The following PRKCA variants were observed in gnomAD, a reference collection of about 807,000 sequenced individuals.
The protein encoded by PRKCA is protein kinase C alpha type.
A neutral mutation model predicts 87.0 loss-of-function variants in PRKCA; 27 were observed. The observed-to-expected ratio is 0.31, with a 90% CI of 0.23 to 0.43. The LOEUF (loss-of-function observed/expected upper bound fraction) is 0.43. PRKCA is among the 20% of genes least tolerant of loss of function. The pLI is 1.00. For missense variants in PRKCA, 518 were observed against 852.3 expected (o/e 0.61, Z 4.88); for synonymous variants, 329 against 311.1 (o/e 1.06, Z -0.61).
chr17:66,403,928 T>A (rs1360987440), intron 2 of PRKCA: 1 of 152,242 alleles, frequency 6.6e-6, no homozygotes, highest in Non-Finnish European at 1.5e-5. Context: ...GTTCAGGTTG[T>A]TGAATTTTGT....
At position 66,384,706 on chromosome 17, in the gene PRKCA, G is replaced by A. The variant is rs191005272; in HGVS notation, c.205+78579G>A. ...TGTAGTGGTGCCATCTCGGCTCACT[G>A]CAAGCTCCACCTCCCGTGTTTATGC... On this transcript the variant is annotated intron_variant, in intron 2 of 16. Transcript: ENST00000413366. Among the ~76,000 whole-genome samples the A allele has an allele frequency of 5.3e-3, 803 of 151,932 alleles. 3 individuals carry two copies. Among genetic ancestry groups the A allele is most frequent in the Middle Eastern group, 0.01 (3 of 292 alleles).
chr17:66,790,730 T>C (rs1420350165), intron 16 of PRKCA, among the ~76,000 whole-genome samples: 2 of 152,182 alleles, frequency 1.3e-5, no homozygotes, highest in Non-Finnish European at 2.9e-5. Context: ...AAACCAACCA[T>C]AAAACATGTC....
chr17:66,679,726 C>T (rs1231625236), intron 5 of PRKCA, among the ~76,000 whole-genome samples: 1 of 152,208 alleles, frequency 6.6e-6, no homozygotes, highest in African/African-American at 2.4e-5. Context: ...TTCCTCCATC[C>T]CCTCCTAGCT....
chr17:66,732,042 G>A (rs1289610606), intron 8 of PRKCA, among the ~76,000 whole-genome samples: 9 of 150,166 alleles, frequency 6.0e-5, no homozygotes, highest in South Asian at 2.1e-4. Context: ...CACCCGCCTC[G>A]GCCTCCCAGA....
At chr17:66,699,705 G>A (rs1973015465) in intron 8 of PRKCA, among the ~76,000 whole-genome samples, 1 of 152,212 alleles carries the variant, frequency 6.6e-6, no homozygotes, top group African/African-American at 2.4e-5. Flanking sequence ...TCCTGCCTCA[G>A]CCTCCTGAAT....
At chr17:66,311,425 G>A (rs766996410) in intron 2 of PRKCA, among the ~76,000 whole-genome samples, 55 of 152,078 alleles carry the variant, frequency 3.6e-4, no homozygotes, top group Non-Finnish European at 6.3e-4. Context: ...AGACCAGCCC[G>A]GGCAACATGG....
intron 8 of PRKCA, among the ~76,000 whole-genome samples, chr17:66,712,037 T>G (rs1446631201): frequency 6.6e-6 from 1 of 152,162 alleles, no homozygotes; most frequent in Non-Finnish European, 1.5e-5. Flanking sequence ...TTGTCTGTGT[T>G]TGAAAACCCT....
intron 1 of PRKCA, among the ~76,000 whole-genome samples, chr17:66,304,986 T>C (rs2143097613): frequency 6.6e-6 from 1 of 152,266 alleles, no homozygotes; most frequent in East Asian, 1.9e-4. Context: ...CTAGCTATTG[T>C]CTTTCCACTA....
intron 2 of PRKCA, among the ~76,000 whole-genome samples, chr17:66,396,339 T>C (rs1476765058): frequency 6.6e-6 from 1 of 152,186 alleles, no homozygotes; most frequent in African/African-American, 2.4e-5. Context: ...TAGCAAACAC[T>C]AGGCAAAATT....
intron 2 of PRKCA, chr17:66,416,882 A>G (rs77351475): frequency 0.11 from 16,377 of 154,600 alleles, 1,204 homozygotes; most frequent in East Asian, 0.22. Flanking sequence ...AAGGTTCTGG[A>G]ACTCTGGCCT....
chr17:66,336,754 TTGTGTGTGTGTGTG>T (rs148842588), intron 2 of PRKCA, among the ~76,000 whole-genome samples: 9,990 of 133,722 alleles, frequency 0.075, 437 homozygotes, highest in Non-Finnish European at 0.099. Context: ...GCAAATAAGT[TTGTGTGTGTGTGTG>T]TGTGTGTGTG....
At chr17:66,359,541 C>T (rs991042641) in intron 2 of PRKCA, among the ~76,000 whole-genome samples, 6 of 152,164 alleles carry the variant, frequency 3.9e-5, no homozygotes, top group Non-Finnish European at 7.4e-5. Context: ...GGGCCTGAAA[C>T]TCTGGAGGGC....
At chr17:66,730,365 A>G (rs1009338353) in intron 8 of PRKCA, among the ~76,000 whole-genome samples, 2 of 152,210 alleles carry the variant, frequency 1.3e-5, no homozygotes, top group African/African-American at 4.8e-5. Context: ...CAAGTTTATT[A>G]AGAAAGTAAA....
intron 3 of PRKCA, among the ~76,000 whole-genome samples, chr17:66,602,413 CG>C (rs1970069662): frequency 6.7e-6 from 1 of 149,734 alleles, no homozygotes; most frequent in South Asian, 2.1e-4. Context: ...GGCAATGCCT[CG>C]CCCTGCTTCG....
In PRKCA at chr17:66,303,139, G is replaced by A. The variant is rs1904605253; in HGVS notation, c.173+115G>A. Reference sequence around the variant, plus strand: ...CTCACTCCGATAACTTGGAACCGGCGGGAGTCCGAACTCTTCGCCCGGAGT... The same window carrying A: ...CTCACTCCGATAACTTGGAACCGGCAGGAGTCCGAACTCTTCGCCCGGAGT... On this transcript the variant is annotated intron_variant, in intron 1 of 16. Transcript: ENST00000413366. 2.9e-6 allele frequency: 4 copies of A among 1,393,094 alleles called. No individual in the cohort carries two copies. The East Asian group carries it at 7.9e-5, about 28-fold the overall frequency. 86.3% of individuals were successfully genotyped at this position (1,393,094 alleles called of 1,614,324 possible).
chr17:66,687,564 G>A (rs1972664011), intron 6 of PRKCA, among the ~76,000 whole-genome samples: 1 of 152,186 alleles, frequency 6.6e-6, no homozygotes, highest in African/African-American at 2.4e-5. Flanking sequence ...AAATGTGTCA[G>A]GTGTGTCCAC....
chr17:66,452,858 C>T (rs377032488), intron 2 of PRKCA, among the ~76,000 whole-genome samples: 8 of 152,256 alleles, frequency 5.3e-5, no homozygotes, highest in South Asian at 4.1e-4. Flanking sequence ...AGCGAGACTC[C>T]GTCTCAAAAA....
At chr17:66,310,748 G>C (rs1905049636) in intron 2 of PRKCA, among the ~76,000 whole-genome samples, 1 of 152,164 alleles carries the variant, frequency 6.6e-6, no homozygotes, top group Admixed American at 6.5e-5. Flanking sequence ...AAGGAAGGTG[G>C]CCTTTAAACA....
In PRKCA at chr17:66,689,237, C is replaced by T. The variant is rs1377718339; in HGVS notation, c.918+190C>T. Among the ~76,000 whole-genome samples the T allele has an allele frequency of 2.0e-5, 3 of 152,110 alleles. No homozygotes were observed. The highest frequency in any genetic ancestry group is 1.5e-5 in the Non-Finnish European group (1 of 68,028). ...TTTGCAAGCTGTTGACTTTTTATGA[C>T]TCTTACCACTTAGAAAATGGAAACT... On this transcript the variant is annotated intron_variant, in intron 8 of 16. Coordinates refer to ENST00000413366, the MANE Select transcript of PRKCA (RefSeq NM_002737.3). The surrounding 1 kb of genome is among the most constrained non-coding windows in gnomAD (Gnocchi z 4.1).
Sources: gnomAD v4.1 joint callset for allele counts (sites outside exome capture counted in the v4.1 genomes callset) on GRCh38, gnomAD v4.1.1 for gene constraint, Gnocchi (gnomAD v3.1) non-coding constraint, MANE v1.5 for transcripts, NCBI Gene and HGNC (gene_info 2026-07-23, HGNC 2026-07-21) for gene names.